Variants in ITSN1 observed in about 807,000 individuals in gnomAD.
ITSN1 encodes the protein intersectin-1.
A neutral mutation model predicts 239.8 loss-of-function variants in ITSN1; 58 were observed. The ratio of observed to expected loss-of-function variants is 0.24; its 90% CI spans 0.20 to 0.30. The LOEUF (loss-of-function observed/expected upper bound fraction) is 0.30. Among genes scored for constraint, ITSN1 ranks in the 10% least tolerant of loss-of-function variants. ITSN1 has a pLI of 1.00. For synonymous variants in ITSN1, 780 were observed against 770.8 expected, an observed-to-expected ratio of 1.01 and a Z score of -0.20; for missense variants, 1,558 against 2,103.3, an observed-to-expected ratio of 0.74 and a Z score of 5.07.
At chr21:33,694,158 C>T (rs2091687796) in intron 1 of ITSN1, among the ~76,000 whole-genome samples, 1 of 152,194 alleles carries the variant, frequency 6.6e-6, no homozygotes, top group South Asian at 2.1e-4. Flanking sequence ...GAACTACAGG[C>T]ATGTGCTCCC....
chr21:33,675,411 C>A (rs751054940), intron 1 of ITSN1, among the ~76,000 whole-genome samples: 1 of 151,840 alleles, frequency 6.6e-6, no homozygotes, highest in South Asian at 2.1e-4. Context: ...AAAAAAAATA[C>A]AAAAAATTAG....
rs1356167948 is a variant in ITSN1, at chr21:33,673,273, G to C, written c.-33+30560G>C. ...GGGGGAAGGGGAAGTGGGAGATGTA[G>C]GTCAAAGTTGCAGTTACATAGGATG... On this transcript the variant is annotated intron_variant, in intron 1 of 39. Coordinates refer to ENST00000381318, the MANE Select transcript of ITSN1 (RefSeq NM_003024.3). Among the ~76,000 whole-genome samples the C allele has an allele frequency of 3.9e-5, 6 of 152,244 alleles. No homozygotes were observed. The East Asian group carries it at 1.2e-3, about 29-fold the overall frequency.
intron 20 of ITSN1, among the ~76,000 whole-genome samples, chr21:33,806,407 A>T: frequency 6.6e-6 from 1 of 152,238 alleles, no homozygotes; most frequent in Non-Finnish European, 1.5e-5. Context: ...GGGAAAAAGG[A>T]ATTTCTGCTT....
At chr21:33,653,063 T>TGTGCGCA (rs1482334128) in intron 1 of ITSN1, among the ~76,000 whole-genome samples, 36 of 151,514 alleles carry the variant, frequency 2.4e-4, no homozygotes, top group Non-Finnish European at 5.2e-4. Flanking sequence ...GGCACAGTCT[T>TGTGCGCA]GGCTCACTGC....
intron 29 of ITSN1, among the ~76,000 whole-genome samples, chr21:33,851,059 C>A (rs1164566165): frequency 6.6e-6 from 1 of 152,186 alleles, no homozygotes; most frequent in African/African-American, 2.4e-5. Context: ...TGAAAGCCAT[C>A]GCCCGGGCTT....
chr21:33,652,254 T>C (rs2088609682), intron 1 of ITSN1, among the ~76,000 whole-genome samples: 1 of 152,298 alleles, frequency 6.6e-6, no homozygotes, highest in African/African-American at 2.4e-5. Flanking sequence ...GGATGCGTCC[T>C]GGTGTTACTA....
intron 1 of ITSN1, among the ~76,000 whole-genome samples, chr21:33,673,731 A>T (rs1051218642): frequency 2.0e-5 from 3 of 151,106 alleles, no homozygotes; most frequent in Non-Finnish European, 4.4e-5. Flanking sequence ...CCAGGATGTC[A>T]CCTTTTCATC....
chr21:33,795,726 A>AT (rs1354162256), intron 17 of ITSN1, among the ~76,000 whole-genome samples: 1 of 152,094 alleles, frequency 6.6e-6, no homozygotes, highest in East Asian at 1.9e-4. Context: ...AAATGCTTTT[A>AT]TTATTCACAC....
In ITSN1 at chr21:33,890,046, G is replaced by C. The variant is rs1240767736; in HGVS notation, c.*1746G>C. 6.6e-6 allele frequency: 1 copy of C among 152,170 alleles called. No individual in the cohort carries two copies. The highest frequency in any genetic ancestry group is 1.5e-5 in the Non-Finnish European group (1 of 68,034). The allele number at this position is 152,170 out of a possible 1,614,324, so 9.4% of individuals were successfully genotyped here. On this transcript the variant is annotated 3_prime_UTR_variant, in exon 40 of 40. Coordinates refer to ENST00000381318, the MANE Select transcript of ITSN1 (RefSeq NM_003024.3). The stretch of plus-strand genomic sequence containing the variant: ...TAGAAACTTTCAACTGAACATGTTA[G>C]AGACCAAGTTTAACTTCAGGCATGC...
At chr21:33,727,358 C>CT (rs934673880) in intron 4 of ITSN1, among the ~76,000 whole-genome samples, 5 of 151,898 alleles carry the variant, frequency 3.3e-5, no homozygotes, top group African/African-American at 7.3e-5. Context: ...GCTCTGGAAT[C>CT]TGAGACGGAG....
intron 34 of ITSN1, among the ~76,000 whole-genome samples, chr21:33,877,085 G>C (rs1351966787): frequency 1.1e-4 from 6 of 53,144 alleles, no homozygotes; most frequent in African/African-American, 4.9e-4. Context: ...ATGGAGTCTC[G>C]CTCTGTCACC....
chr21:33,760,016 T>A (rs1384218316), intron 8 of ITSN1, among the ~76,000 whole-genome samples: 1 of 151,388 alleles, frequency 6.6e-6, no homozygotes, highest in Non-Finnish European at 1.5e-5. Context: ...GGCAGAAGAA[T>A]CATTGAACCC....
intron 1 of ITSN1, among the ~76,000 whole-genome samples, chr21:33,660,614 G>A (rs551214077): frequency 6.6e-6 from 1 of 152,270 alleles, no homozygotes; most frequent in South Asian, 2.1e-4. Flanking sequence ...GTGAAACGTT[G>A]TTTTGGTTGA....
chr21:33,683,909 T>C (rs1451493336), intron 1 of ITSN1, among the ~76,000 whole-genome samples: 4 of 152,206 alleles, frequency 2.6e-5, no homozygotes, highest in South Asian at 2.1e-4. Context: ...TGTGCAAGAA[T>C]GACAGCTTAA....
intron 17 of ITSN1, 137 bp downstream of exon 17, chr21:33,794,605 C>A: frequency 1.7e-6 from 2 of 1,181,774 alleles, no homozygotes; most frequent in Non-Finnish European, 2.4e-6. Flanking sequence ...TGAGTGCAAA[C>A]ACAAACACGT....
chr21:33,819,365 G>A, intron 24 of ITSN1, 42 bp downstream of exon 24: 1 of 1,408,762 alleles, frequency 7.1e-7, no homozygotes, highest in Non-Finnish European at 1.0e-6. Context: ...AAGGGTCAAG[G>A]ACATTGTGTA....
rs1334811092 is a variant in ITSN1, at chr21:33,865,023, A to G, written c.3891-128A>G. The G allele has an allele frequency of 1.1e-5, 9 of 811,920 alleles. No homozygotes were observed. The highest frequency in any genetic ancestry group is 2.4e-4 in the Middle Eastern group (1 of 4,214). The allele number at this position is 811,920 out of a possible 1,614,324, so 50.3% of individuals were successfully genotyped here. A position where few individuals can be genotyped will look rare whatever the true frequency, so the allele number is the denominator to read the frequency against. ...TTCTTTCTCCATTCCTTGTCTCCCA[A>G]ATAGATCCTTTAGTGGCCCTTAAGG... is the stretch of plus-strand genomic sequence containing the variant. On this transcript the variant is annotated intron_variant, in intron 31 of 39. Coordinates refer to ENST00000381318, the MANE Select transcript of ITSN1 (RefSeq NM_003024.3). The surrounding 1 kb of genome is among the most constrained non-coding windows in gnomAD (Gnocchi z 4.4).
At chr21:33,762,653 C>CT (rs1296437340) in intron 9 of ITSN1, among the ~76,000 whole-genome samples, 1 of 151,906 alleles carries the variant, frequency 6.6e-6, no homozygotes, top group African/African-American at 2.4e-5. Flanking sequence ...AGGGATTTTC[C>CT]TTTTTTTCAT....
rs555899289 is a variant in ITSN1, at chr21:33,893,282, G to A, written c.*4982G>A. On this transcript the variant is annotated 3_prime_UTR_variant, in exon 40 of 40. Coordinates refer to ENST00000381318, the MANE Select transcript of ITSN1 (RefSeq NM_003024.3). ...GATCAATTAATGTTGCTTTGTGTGG[G>A]GTTCTTCAGAGAAATAATGCAAACC... is the stretch of plus-strand genomic sequence containing the variant. 3.9e-4 allele frequency: 59 copies of A among 152,282 alleles called. No individual in the cohort carries two copies. Among genetic ancestry groups the A allele is most frequent in the African/African-American group, 1.3e-3 (56 of 41,536 alleles). The allele number at this position is 152,282 out of a possible 1,614,324, so 9.4% of individuals were successfully genotyped here. A position where few individuals can be genotyped will look rare whatever the true frequency, so the allele number is the denominator to read the frequency against.
Sources: allele counts gnomAD v4.1 joint callset (sites outside exome capture counted in the v4.1 genomes callset), GRCh38; gene constraint gnomAD v4.1.1; non-coding constraint Gnocchi (gnomAD v3.1); transcripts MANE v1.5; gene names NCBI Gene and HGNC (gene_info 2026-07-23, HGNC 2026-07-21).